The following PRKAG2 variants were observed in gnomAD, a reference collection of about 807,000 sequenced individuals.
PRKAG2 encodes 5'-AMP-activated protein kinase subunit gamma-2.
Under a neutral mutation model 69.6 loss-of-function variants are expected in PRKAG2, and 26 were observed. The observed-to-expected ratio is 0.37, with a 90% CI of 0.27 to 0.52. The LOEUF (loss-of-function observed/expected upper bound fraction) is 0.52, where lower values mean the gene tolerates loss of function less well. PRKAG2 is among the 20% of genes least tolerant of loss of function. The pLI is 0.90. For missense variants in PRKAG2, 557 were observed against 740.0 expected (o/e 0.75, Z 2.87); for synonymous variants, 293 against 285.0 (o/e 1.03, Z -0.28).
Position 151,556,797 on chromosome 7 carries a change from G to A in PRKAG2, c.*404C>T, listed in dbSNP as rs780433223. The A allele has an allele frequency of 5.2e-6, 1 of 190,534 alleles. No homozygotes were observed. Among genetic ancestry groups the A allele is most frequent in the Non-Finnish European group, 1.1e-5 (1 of 90,876 alleles). The allele number at this position is 190,534 out of a possible 1,614,324, so 11.8% of individuals were successfully genotyped here. A position where few individuals can be genotyped will look rare whatever the true frequency, so the allele number is the denominator to read the frequency against. On this transcript the variant is annotated 3_prime_UTR_variant, in exon 16 of 16. Transcript: ENST00000287878. ...ATTCAAGCTCGGTGTTGTTTCACAC[G>A]CGTGCGCCCCGGCTGCGGCGGTGAC...
rs1387671913 is a variant in PRKAG2, at chr7:151,772,967, C to T, written c.466+8185G>A. Among the ~76,000 whole-genome samples the T allele has an allele frequency of 9.5e-5, 14 of 147,914 alleles. No homozygotes were observed. In the Admixed American group the frequency reaches 9.6e-4, roughly 10 times the overall value. On this transcript the variant is annotated intron_variant, in intron 3 of 15. Coordinates refer to ENST00000287878, the MANE Select transcript of PRKAG2 (RefSeq NM_016203.4). ...TGTACTCTGGCCTGGATGACAGAGACCCTGTCTCTAAATGAATGAAAGAAA... is the reference window on the plus strand; with the variant it reads ...TGTACTCTGGCCTGGATGACAGAGATCCTGTCTCTAAATGAATGAAAGAAA...
chr7:151,826,181 T>C (rs1056356332), intron 1 of PRKAG2, among the ~76,000 whole-genome samples: 1 of 150,344 alleles, frequency 6.7e-6, no homozygotes, highest in African/African-American at 2.5e-5. Flanking sequence ...CCACTTTTTT[T>C]TTTGTTGTTG....
chr7:151,811,910 G>GTTTGCC (rs2078442824), intron 1 of PRKAG2, among the ~76,000 whole-genome samples: 1 of 152,194 alleles, frequency 6.6e-6, no homozygotes, highest in Non-Finnish European at 1.5e-5. Flanking sequence ...TTGAGCTCTA[G>GTTTGCC]TTTGCCATTT....
At chr7:151,681,959 G>A (rs963575867) in intron 3 of PRKAG2, among the ~76,000 whole-genome samples, 4 of 152,206 alleles carry the variant, frequency 2.6e-5, no homozygotes, top group Non-Finnish European at 4.4e-5. Context: ...AGGGCACAGA[G>A]ACGGAGTGAG....
At chr7:151,641,535 AC>A (rs1034962742) in intron 4 of PRKAG2, among the ~76,000 whole-genome samples, 13 of 152,052 alleles carry the variant, frequency 8.5e-5, no homozygotes, top group African/African-American at 3.1e-4. Flanking sequence ...GGCAGGAGCC[AC>A]CAGAACCGGC....
At chr7:151,566,455 A>G (rs1365974412) in intron 11 of PRKAG2, 9 of 313,928 alleles carry the variant, frequency 2.9e-5, no homozygotes, top group South Asian at 2.5e-4. Flanking sequence ...AATTAAAAGA[A>G]TCTTTAAAAA....
intron 6 of PRKAG2, among the ~76,000 whole-genome samples, chr7:151,589,175 C>G (rs114165908): frequency 0.015 from 2,244 of 152,352 alleles, 63 homozygotes; most frequent in African/African-American, 0.051. Context: ...GTGAGCTCCA[C>G]CCAGGCACTG....
At chr7:151,872,664 ACCCCTCCTGGGTTGAGGGTTG>A (rs1331194761) in intron 1 of PRKAG2, among the ~76,000 whole-genome samples, 1 of 152,196 alleles carries the variant, frequency 6.6e-6, no homozygotes, top group Non-Finnish European at 1.5e-5. Context: ...CACCAACTGG[ACCCCTCCTGGGTTGAGGGTTG>A]CCCCTCAGGG....
chr7:151,865,726 A>G (rs1179538156), intron 1 of PRKAG2, among the ~76,000 whole-genome samples: 3 of 152,244 alleles, frequency 2.0e-5, no homozygotes, highest in Non-Finnish European at 4.4e-5. Context: ...GAACCTATGA[A>G]AGTGGAGAAG....
chr7:151,609,089 T>C (rs1203065081), intron 5 of PRKAG2, among the ~76,000 whole-genome samples: 1 of 152,222 alleles, frequency 6.6e-6, no homozygotes, highest in Non-Finnish European at 1.5e-5. Flanking sequence ...GTATATTTTA[T>C]ATTGAAGCTA....
intron 3 of PRKAG2, among the ~76,000 whole-genome samples, chr7:151,703,470 G>C (rs906275093): frequency 6.6e-6 from 1 of 151,974 alleles, no homozygotes; most frequent in African/African-American, 2.4e-5. Flanking sequence ...ACAACTCAAG[G>C]AACTTCTCCC....
chr7:151,678,073 C>T (rs1458067194), intron 3 of PRKAG2, among the ~76,000 whole-genome samples: 1 of 152,198 alleles, frequency 6.6e-6, no homozygotes, highest in Non-Finnish European at 1.5e-5. Flanking sequence ...GTTCCTCCTC[C>T]TCGCAGCTCC....
At chr7:151,727,983 C>T (rs1798275488) in intron 3 of PRKAG2, among the ~76,000 whole-genome samples, 1 of 152,194 alleles carries the variant, frequency 6.6e-6, no homozygotes, top group Admixed American at 6.5e-5. Flanking sequence ...GACGCCCGGA[C>T]ACTCCCCCAG....
chr7:151,617,729 T>C (rs1820520644), intron 5 of PRKAG2, among the ~76,000 whole-genome samples: 1 of 152,226 alleles, frequency 6.6e-6, no homozygotes, highest in Non-Finnish European at 1.5e-5. Context: ...AAGAATGAAA[T>C]GCATTTTAAA....
intron 1 of PRKAG2, among the ~76,000 whole-genome samples, chr7:151,832,126 G>A (rs2079038795): frequency 6.6e-6 from 1 of 152,092 alleles, no homozygotes; most frequent in Non-Finnish European, 1.5e-5. Context: ...CTGGGGGAAG[G>A]GGAGGAAGGT....
chr7:151,648,909 T>TTTTC (rs1554516992), intron 4 of PRKAG2, among the ~76,000 whole-genome samples: 16 of 151,214 alleles, frequency 1.1e-4, no homozygotes, highest in Non-Finnish European at 1.9e-4. Flanking sequence ...CCAGGATTTT[T>TTTTC]TTTTTTTCCT....
At chr7:151,839,048 T>C (rs2079215691) in intron 1 of PRKAG2, among the ~76,000 whole-genome samples, 1 of 149,328 alleles carries the variant, frequency 6.7e-6, no homozygotes, top group Non-Finnish European at 1.5e-5. Context: ...AGGGGCAGCT[T>C]CCTCTGAAGC....
intron 5 of PRKAG2, among the ~76,000 whole-genome samples, chr7:151,612,645 G>C (rs543780845): frequency 2.0e-5 from 3 of 152,332 alleles, no homozygotes; most frequent in Non-Finnish European, 2.9e-5. Context: ...GTTGTCACCA[G>C]TCCAGGGGTC....
chr7:151,748,580 T>G (rs1439227761), intron 3 of PRKAG2, among the ~76,000 whole-genome samples: 1 of 152,206 alleles, frequency 6.6e-6, no homozygotes, highest in Non-Finnish European at 1.5e-5. Context: ...TGGGAACTAC[T>G]GCTTTTCAAT....
Sources: allele counts gnomAD v4.1 joint callset (sites outside exome capture counted in the v4.1 genomes callset), GRCh38; gene constraint gnomAD v4.1.1; transcripts MANE v1.5; gene names NCBI Gene and HGNC (gene_info 2026-07-23, HGNC 2026-07-21).